STPG2: variants seen among roughly 807,000 people sequenced by gnomAD.
STPG2 encodes the protein sperm-tail PG-rich repeat-containing protein 2.
Under a neutral mutation model 54.2 loss-of-function variants are expected in STPG2, and 56 were observed. That is an observed-to-expected ratio of 1.03 (90% CI 0.83 to 1.29). The LOEUF is 1.29. STPG2 is among the 50% of genes most tolerant of loss of function. The pLI, the probability that STPG2 is intolerant of heterozygous loss-of-function variation, is 0.00. For synonymous variants in STPG2, 200 were observed against 181.8 expected (o/e 1.10, Z -0.81); for missense variants, 596 against 544.9 (o/e 1.09, Z -0.93).
Position 97,546,138 on chromosome 4 carries a change from C to T in STPG2, c.462+166561G>A, listed in dbSNP as rs192698498. On this transcript the variant is annotated intron_variant, in intron 4 of 4. Coordinates refer to the STPG2 transcript ENST00000522676. ...CAGAAAAGCAATGAGAACTACTACA[C>T]TCATAAGGAAAATGAGGCATACTTT... Among the ~76,000 whole-genome samples the T allele has an allele frequency of 3.3e-5, 5 of 151,480 alleles. No individual in the cohort carries two copies. The East Asian group carries it at 9.7e-4, about 29-fold the overall frequency.
At position 98,060,451 on chromosome 4, in the gene STPG2, C is replaced by T. The variant is rs188062604; in HGVS notation, c.612+45502G>A. Reference sequence around the variant, plus strand: ...CAAATGGAAAAACATCCCATGCTCACGGATATGGAGAATCAATATTGTTAA... The same window carrying T: ...CAAATGGAAAAACATCCCATGCTCATGGATATGGAGAATCAATATTGTTAA... On this transcript the variant is annotated intron_variant, in intron 5 of 10. Coordinates refer to ENST00000295268, the MANE Select transcript of STPG2 (RefSeq NM_174952.3). 4.3e-3 allele frequency among the ~76,000 whole-genome samples: 657 copies of T among 152,188 alleles called. 3 individuals carry two copies. The highest frequency in any genetic ancestry group is 0.024 in the South Asian group (117 of 4,820).
At chr4:97,580,292 A>T (rs867335134) in intron 10 of STPG2, among the ~76,000 whole-genome samples, 3 of 151,900 alleles carry the variant, frequency 2.0e-5, no homozygotes, top group Admixed American at 2.0e-4. Context: ...ATACACATAT[A>T]ATTTATATAA....
rs1049613650 is a variant in STPG2, at chr4:97,812,086, A to C, written c.1204+28687T>G. Among the ~76,000 whole-genome samples, 20 of 152,254 alleles carry C rather than the reference A, an allele frequency of 1.3e-4. 1 individual carries two copies. The highest frequency in any genetic ancestry group is 2.4e-4 in the Non-Finnish European group (16 of 67,948). On this transcript the variant is annotated intron_variant, in intron 9 of 10. Transcript: ENST00000295268. ...AGACTGAAGAAATACAATACCAACA[A>C]ATGTCACAGTGCTAAATAGTTAAAT... is the stretch of plus-strand genomic sequence containing the variant.
chr4:97,974,826 A>C (rs1734449280), intron 6 of STPG2, among the ~76,000 whole-genome samples: 1 of 151,940 alleles, frequency 6.6e-6, no homozygotes, highest in Admixed American at 6.6e-5. Flanking sequence ...AGCAGCATGA[A>C]CATGGGCTAA....
Position 97,588,116 on chromosome 4 carries a change from G to A in STPG2, c.1321-28999C>T, listed in dbSNP as rs976470938. 7.9e-5 allele frequency among the ~76,000 whole-genome samples: 12 copies of A among 151,968 alleles called. No homozygotes were observed. The South Asian group carries it at 1.0e-3, about 13-fold the overall frequency. On this transcript the variant is annotated intron_variant, in intron 10 of 10. Coordinates refer to ENST00000295268, the MANE Select transcript of STPG2 (RefSeq NM_174952.3). ...ATCAGAACCAATCATGGTGACTCAC[G>A]CCTATAATCCCAGCACTTTGGGATG...
At chr4:98,094,125 C>A (rs1197630671) in intron 5 of STPG2, among the ~76,000 whole-genome samples, 1 of 152,112 alleles carries the variant, frequency 6.6e-6, no homozygotes, top group East Asian at 1.9e-4. Flanking sequence ...CCAGGCAGTG[C>A]AGCTTATAGC....
intron 5 of STPG2, among the ~76,000 whole-genome samples, chr4:98,011,724 T>C (rs1735757968): frequency 6.6e-6 from 1 of 152,248 alleles, no homozygotes; most frequent in Non-Finnish European, 1.5e-5. Flanking sequence ...ATGTTGAGCT[T>C]TTTTCATATG....
At chr4:97,971,834 T>TA (rs1734337792) in intron 7 of STPG2, among the ~76,000 whole-genome samples, 1 of 151,376 alleles carries the variant, frequency 6.6e-6, no homozygotes, top group Non-Finnish European at 1.5e-5. Context: ...AATCATAATT[T>TA]AAAAAAATAG....
intron 9 of STPG2, among the ~76,000 whole-genome samples, chr4:97,755,531 G>GA (rs1033970944): frequency 1.3e-5 from 2 of 151,908 alleles, no homozygotes; most frequent in Non-Finnish European, 2.9e-5. Flanking sequence ...ATTTCTTTAA[G>GA]AAAAAAAGCA....
At chr4:97,568,507 A>T (rs552240129) in intron 10 of STPG2, among the ~76,000 whole-genome samples, 64 of 152,138 alleles carry the variant, frequency 4.2e-4, no homozygotes, top group Non-Finnish European at 8.1e-4. Flanking sequence ...TCTCTCTCAC[A>T]CACACATGCA....
intron 8 of STPG2, among the ~76,000 whole-genome samples, chr4:97,841,257 A>G (rs1040140692): frequency 1.3e-5 from 2 of 151,692 alleles, no homozygotes; most frequent in African/African-American, 4.8e-5. Flanking sequence ...GAGAGCAATG[A>G]TTACCTGTTT....
At chr4:97,450,410 C>A (rs1729335725) in intron 4 of STPG2, among the ~76,000 whole-genome samples, 1 of 151,954 alleles carries the variant, frequency 6.6e-6, no homozygotes, top group African/African-American at 2.4e-5. Context: ...ATGAGATAAT[C>A]ATAAAATACA....
intron 10 of STPG2, among the ~76,000 whole-genome samples, chr4:97,693,625 C>T (rs2148990981): frequency 6.6e-6 from 1 of 152,130 alleles, no homozygotes; most frequent in East Asian, 1.9e-4. Flanking sequence ...GACAGGTCAT[C>T]AAGACAGATG....
chr4:97,469,509 G>A (rs1447086223), intron 4 of STPG2, among the ~76,000 whole-genome samples: 1 of 152,036 alleles, frequency 6.6e-6, no homozygotes, highest in Non-Finnish European at 1.5e-5. Context: ...AACAGAGAAA[G>A]TACAGTGAGA....
chr4:98,074,315 T>A (rs1281608394), intron 5 of STPG2, among the ~76,000 whole-genome samples: 1 of 152,358 alleles, frequency 6.6e-6, no homozygotes, highest in East Asian at 1.9e-4. Flanking sequence ...TTTGCTCCTT[T>A]GAAGACAGCT....
At chr4:98,096,949 A>G (rs1738877791) in intron 5 of STPG2, among the ~76,000 whole-genome samples, 1 of 152,200 alleles carries the variant, frequency 6.6e-6, no homozygotes, top group Admixed American at 6.5e-5. Flanking sequence ...AAACCTGAAC[A>G]GAACAAGTAA....
intron 9 of STPG2, among the ~76,000 whole-genome samples, chr4:97,813,027 T>C (rs1297520530): frequency 2.0e-5 from 3 of 152,064 alleles, no homozygotes; most frequent in Admixed American, 2.0e-4. Context: ...ACACATACAA[T>C]CTGCTATCAA....
At chr4:97,540,352 T>C (rs1358763926) in intron 4 of STPG2, among the ~76,000 whole-genome samples, 1 of 152,026 alleles carries the variant, frequency 6.6e-6, no homozygotes, top group Non-Finnish European at 1.5e-5. Context: ...AACACCTCTA[T>C]GCAAATAAAC....
At chr4:97,497,745 A>G (rs980311051) in intron 4 of STPG2, among the ~76,000 whole-genome samples, 2 of 151,876 alleles carry the variant, frequency 1.3e-5, no homozygotes, top group African/African-American at 4.8e-5. Flanking sequence ...TAGAGAATCT[A>G]TTGGAGAAAT....
Sources: allele counts gnomAD v4.1 joint callset (sites outside exome capture counted in the v4.1 genomes callset), GRCh38; gene constraint gnomAD v4.1.1; transcripts MANE v1.5; gene names NCBI Gene and HGNC (gene_info 2026-07-23, HGNC 2026-07-21).